GMDS: variants seen among roughly 807,000 people sequenced by gnomAD.
GMDS encodes the protein GDP-mannose 4,6 dehydratase.
Under a neutral mutation model 49.9 loss-of-function variants are expected in GMDS, and 20 were observed. The observed-to-expected ratio is 0.40, with a 90% CI of 0.28 to 0.58. The LOEUF is 0.58. Among genes scored for constraint, GMDS ranks in the 20% least tolerant of loss-of-function variants. GMDS has a pLI of 0.42. For missense variants in GMDS, 362 were observed against 481.4 expected (o/e 0.75, Z 2.32); for synonymous variants, 177 against 178.6 (o/e 0.99, Z 0.07).
At chr6:1,823,354 C>G (rs1262361288) in intron 7 of GMDS, among the ~76,000 whole-genome samples, 3 of 152,170 alleles carry the variant, frequency 2.0e-5, no homozygotes, top group African/African-American at 7.2e-5. Context: ...AGTTTAAAAT[C>G]TGACCTCTTT....
rs556121857 is a variant in GMDS, at chr6:2,095,155, G to A, written c.345+20616C>T. 7.2e-5 allele frequency among the ~76,000 whole-genome samples: 11 copies of A among 152,164 alleles called. No individual in the cohort carries two copies. In the South Asian group the frequency reaches 1.5e-3, roughly 20 times the overall value. On this transcript the variant is annotated intron_variant, in intron 4 of 10. Coordinates refer to ENST00000380815, the MANE Select transcript of GMDS (RefSeq NM_001500.4). ...CAGGTGGTACCTTACAATCGCAGTC[G>A]GCCAGGTTGCAGTGGTGTAGTTGTC...
At chr6:1,722,232 A>AATTATTATTATT (rs1229236299) in intron 9 of GMDS, among the ~76,000 whole-genome samples, 1 of 39,282 alleles carries the variant, frequency 2.5e-5, no homozygotes, top group Non-Finnish European at 4.0e-5. Context: ...CTCCCTGGCT[A>AATTATTATTATT]ATTATTATTA....
At chr6:1,801,938 C>A (rs1769967405) in intron 7 of GMDS, among the ~76,000 whole-genome samples, 1 of 152,186 alleles carries the variant, frequency 6.6e-6, no homozygotes, top group Admixed American at 6.5e-5. Context: ...TACCCTCCCA[C>A]CCCGAATAAA....
intron 4 of GMDS, among the ~76,000 whole-genome samples, chr6:1,994,535 A>G (rs1766154821): frequency 6.6e-6 from 1 of 152,186 alleles, no homozygotes; most frequent in Non-Finnish European, 1.5e-5. Flanking sequence ...GGGAACAGAA[A>G]GATAAATGAG....
At chr6:1,952,527 G>A (rs537941169) in intron 6 of GMDS, among the ~76,000 whole-genome samples, 14 of 152,098 alleles carry the variant, frequency 9.2e-5, no homozygotes, top group African/African-American at 2.7e-4. Flanking sequence ...AAAGTTCTTC[G>A]TGACTCAGAA....
intron 4 of GMDS, among the ~76,000 whole-genome samples, chr6:1,965,623 G>A (rs752143506): frequency 2.6e-5 from 4 of 152,082 alleles, no homozygotes; most frequent in Non-Finnish European, 5.9e-5. Context: ...CAGAGAGCAA[G>A]ACCAGCCTGG....
At chr6:1,661,081 G>A (rs907278552) in intron 9 of GMDS, among the ~76,000 whole-genome samples, 2 of 152,084 alleles carry the variant, frequency 1.3e-5, no homozygotes, top group Admixed American at 6.6e-5. Context: ...GAGTTCCCAC[G>A]TGATTACAAC....
chr6:1,736,349 G>A (rs1428677343), intron 8 of GMDS, among the ~76,000 whole-genome samples: 2 of 152,112 alleles, frequency 1.3e-5, no homozygotes, highest in African/African-American at 2.4e-5. Context: ...GGAAGAAAGC[G>A]AGAAGAAAAA....
chr6:1,671,412 G>A (rs1764417375), intron 9 of GMDS, among the ~76,000 whole-genome samples: 1 of 151,932 alleles, frequency 6.6e-6, no homozygotes, highest in African/African-American at 2.4e-5. Context: ...CTTGCTTTTG[G>A]GATCAAGCCA....
chr6:1,709,522 G>A (rs534728257), intron 9 of GMDS, among the ~76,000 whole-genome samples: 20 of 152,342 alleles, frequency 1.3e-4, no homozygotes, highest in Admixed American at 9.1e-4. Context: ...GAGAAGCCAC[G>A]GTGGCAAAGG....
intron 4 of GMDS, among the ~76,000 whole-genome samples, chr6:2,104,431 T>C (rs1774106194): frequency 6.6e-6 from 1 of 152,254 alleles, no homozygotes; most frequent in African/African-American, 2.4e-5. Flanking sequence ...CACTCATCTT[T>C]CACTACAACT....
intron 1 of GMDS, among the ~76,000 whole-genome samples, chr6:2,205,379 T>C (rs1253798529): frequency 6.6e-6 from 1 of 152,226 alleles, no homozygotes; most frequent in Non-Finnish European, 1.5e-5. Flanking sequence ...CCACACATCC[T>C]GCCGCCTTCT....
intron 1 of GMDS, among the ~76,000 whole-genome samples, chr6:2,208,648 G>A (rs906952994): frequency 8.5e-5 from 13 of 152,204 alleles, no homozygotes; most frequent in African/African-American, 3.1e-4. Context: ...ATAGATTTAT[G>A]GCAGCCCAAA....
chr6:1,747,804 T>C (rs534153172), intron 7 of GMDS, among the ~76,000 whole-genome samples: 1 of 152,300 alleles, frequency 6.6e-6, no homozygotes, highest in Non-Finnish European at 1.5e-5. Flanking sequence ...AAAACTATAC[T>C]AATAAAAACA....
In GMDS at chr6:2,191,658, G is replaced by C. The variant is rs1779025102; in HGVS notation, c.102+53663C>G. 6.6e-6 allele frequency among the ~76,000 whole-genome samples: 1 copy of C among 152,240 alleles called. No individual in the cohort carries two copies. Among genetic ancestry groups the C allele is most frequent in the Admixed American group, 6.5e-5 (1 of 15,292 alleles). ...GCTGTCACAGCCCAGCCAGGTATGT[G>C]AGGGTCCTGCCACCTCAGCTCCCTC... On this transcript the variant is annotated intron_variant, in intron 1 of 10. Transcript: ENST00000380815. The surrounding 1 kb of genome is among the most constrained non-coding windows in gnomAD (Gnocchi z 4.6).
intron 6 of GMDS, among the ~76,000 whole-genome samples, chr6:1,956,931 A>G (rs921691697): frequency 6.6e-6 from 1 of 151,546 alleles, no homozygotes; most frequent in African/African-American, 2.4e-5. Context: ...CCTCCCGAGT[A>G]GCTGGGATTA....
At chr6:2,069,442 C>A (rs1381978022) in intron 4 of GMDS, among the ~76,000 whole-genome samples, 3 of 151,944 alleles carry the variant, frequency 2.0e-5, no homozygotes, top group Non-Finnish European at 2.9e-5. Flanking sequence ...TAAAGAGCTT[C>A]TGCACAGCAA....
intron 7 of GMDS, among the ~76,000 whole-genome samples, chr6:1,769,882 A>T (rs1047501916): frequency 6.6e-6 from 1 of 151,992 alleles, no homozygotes; most frequent in African/African-American, 2.4e-5. Flanking sequence ...GTGGACCACC[A>T]GGCCTGGCTA....
intron 7 of GMDS, among the ~76,000 whole-genome samples, chr6:1,854,557 C>G (rs1427595871): frequency 1.3e-5 from 2 of 152,198 alleles, no homozygotes; most frequent in Non-Finnish European, 2.9e-5. Context: ...CTGGGGCTGT[C>G]TGGGTGCTTC....
Sources: allele counts gnomAD v4.1 joint callset (sites outside exome capture counted in the v4.1 genomes callset), GRCh38; gene constraint gnomAD v4.1.1; non-coding constraint Gnocchi (gnomAD v3.1); transcripts MANE v1.5; gene names NCBI Gene and HGNC (gene_info 2026-07-23, HGNC 2026-07-21).